Variants in CSMD3 observed in about 807,000 individuals in gnomAD.
The protein encoded by CSMD3 is CUB and Sushi multiple domains 3.
CSMD3 carries 177 observed loss-of-function variants against 435.2 expected under a neutral mutation model. The ratio of observed to expected loss-of-function variants is 0.41; its 90% CI spans 0.36 to 0.46. The LOEUF is 0.46. Among genes scored for constraint, CSMD3 ranks in the 20% least tolerant of loss-of-function variants. The pLI, the probability that CSMD3 is intolerant of heterozygous loss-of-function variation, is 0.34. For missense variants in CSMD3, 4,265 were observed against 4,504.6 expected (o/e 0.95, Z 1.52); for synonymous variants, 1,656 against 1,520.5 (o/e 1.09, Z -2.07).
intron 6 of CSMD3, among the ~76,000 whole-genome samples, chr8:113,015,701 A>T (rs188704346): frequency 6.6e-6 from 1 of 151,972 alleles, no homozygotes; most frequent in East Asian, 1.9e-4. Flanking sequence ...TGAAATAAAA[A>T]TACTTTTAAT....
intron 1 of CSMD3, among the ~76,000 whole-genome samples, chr8:113,368,069 T>G (rs1328805800): frequency 4.6e-5 from 7 of 152,090 alleles, no homozygotes; most frequent in African/African-American, 1.7e-4. Context: ...ATGAAAAAAT[T>G]AACTACACTT....
intron 1 of CSMD3, among the ~76,000 whole-genome samples, chr8:113,425,731 G>C (rs1020779979): frequency 6.6e-6 from 1 of 151,562 alleles, no homozygotes; most frequent in East Asian, 1.9e-4. Flanking sequence ...AAAGACGAAA[G>C]TTTTTTAAAA....
At chr8:112,667,471 A>T (rs1339007927) in intron 16 of CSMD3, among the ~76,000 whole-genome samples, 1 of 152,210 alleles carries the variant, frequency 6.6e-6, no homozygotes, top group Admixed American at 6.6e-5. Flanking sequence ...CTTGAAGTAT[A>T]GAAATAACCC....
chr8:113,172,747 C>T (rs138583494), intron 4 of CSMD3, among the ~76,000 whole-genome samples: 9 of 152,152 alleles, frequency 5.9e-5, no homozygotes, highest in African/African-American at 1.9e-4. Flanking sequence ...GAGGAAGCTA[C>T]AAAGTAATTT....
intron 5 of CSMD3, among the ~76,000 whole-genome samples, chr8:113,029,720 C>G (rs899870543): frequency 4.6e-5 from 7 of 151,532 alleles, no homozygotes; most frequent in Non-Finnish European, 8.9e-5. Context: ...TGGAACAAGA[C>G]AAGGATGTCC....
intron 13 of CSMD3, among the ~76,000 whole-genome samples, chr8:112,778,658 T>C (rs1421422772): frequency 6.6e-6 from 1 of 151,982 alleles, no homozygotes; most frequent in East Asian, 1.9e-4. Context: ...TGCAGGTATT[T>C]GTGTGGACAT....
At chr8:113,076,246 A>G (rs2131428499) in intron 5 of CSMD3, among the ~76,000 whole-genome samples, 1 of 151,780 alleles carries the variant, frequency 6.6e-6, no homozygotes, top group Middle Eastern at 3.4e-3. Flanking sequence ...AAGAATTTGC[A>G]TAGACACAAT....
chr8:112,224,724 T>G lies in CSMD3; in HGVS notation c.*47A>C. On this transcript the variant is annotated 3_prime_UTR_variant, in exon 71 of 71. Transcript: ENST00000297405. ...TAGCAGTGAACTAAATGTGCACTGT[T>G]TTGTGTGTCGATTTCCAAGCTTCTG... 6.2e-7 allele frequency: 1 copy of G among 1,601,838 alleles called. No homozygotes were observed. Among genetic ancestry groups the G allele is most frequent in the Non-Finnish European group, 8.6e-7 (1 of 1,168,842 alleles).
At chr8:113,131,175 C>A (rs539123589) in intron 4 of CSMD3, among the ~76,000 whole-genome samples, 1 of 152,196 alleles carries the variant, frequency 6.6e-6, no homozygotes, top group African/African-American at 2.4e-5. Flanking sequence ...AAAATCATTT[C>A]CCTGGGGAGT....
intron 38 of CSMD3, among the ~76,000 whole-genome samples, chr8:112,368,120 T>A (rs1469285605): frequency 6.6e-6 from 1 of 152,164 alleles, no homozygotes; most frequent in East Asian, 1.9e-4. Flanking sequence ...TCTATCTGCA[T>A]TCCAGGAGGT....
At position 112,313,975 on chromosome 8, in the gene CSMD3, G is replaced by T; in HGVS notation, c.7627C>A (p.His2543Asn). ...GCTGACCACTGAAGAAATACTTCAT[G>T]ACCATTGCTTGTTATATTAAAAGCA... ...SSAFNITSNG[H>N]EVFLQWSADH... Residue 2543 changes from histidine (H) to asparagine (N), a missense_variant, in exon 49 of 71, where the codon CAT (histidine) becomes AAT (asparagine). Physicochemically the swap from His to Asn is moderately conservative, Grantham distance 68 (BLOSUM62 1). Transcript: ENST00000297405. 6.2e-7 allele frequency: 1 copy of T among 1,610,732 alleles called. No individual in the cohort carries two copies.
chr8:112,330,558 C>G (rs1823943836), intron 45 of CSMD3, among the ~76,000 whole-genome samples: 1 of 152,012 alleles, frequency 6.6e-6, no homozygotes, highest in African/African-American at 2.4e-5. Context: ...AAAATTTTTT[C>G]TCTTGGCACA....
intron 9 of CSMD3, among the ~76,000 whole-genome samples, chr8:112,935,201 C>A (rs546484560): frequency 6.6e-6 from 1 of 151,998 alleles, no homozygotes; most frequent in South Asian, 2.1e-4. Flanking sequence ...GAAAATCAAT[C>A]GGCTTTAAAT....
intron 5 of CSMD3, among the ~76,000 whole-genome samples, chr8:113,019,519 T>C (rs1587900105): frequency 6.7e-6 from 1 of 149,080 alleles, no homozygotes; most frequent in South Asian, 2.1e-4. Flanking sequence ...TTTATTAATA[T>C]GTTATATATT....
At chr8:113,089,505 T>A (rs945715317) in intron 5 of CSMD3, among the ~76,000 whole-genome samples, 1 of 152,118 alleles carries the variant, frequency 6.6e-6, no homozygotes, top group African/African-American at 2.4e-5. Context: ...TATAGCAGAA[T>A]AAATATGTAA....
intron 13 of CSMD3, among the ~76,000 whole-genome samples, chr8:112,762,374 T>A (rs996755409): frequency 6.6e-6 from 1 of 152,068 alleles, no homozygotes; most frequent in East Asian, 1.9e-4. Context: ...AAGCAGCTGT[T>A]CTGTCCATAG....
chr8:113,042,598 A>T (rs1486147396), intron 5 of CSMD3, among the ~76,000 whole-genome samples: 1 of 152,148 alleles, frequency 6.6e-6, no homozygotes, highest in Non-Finnish European at 1.5e-5. Context: ...TATTTACATA[A>T]TTCTTCTGGA....
intron 61 of CSMD3, among the ~76,000 whole-genome samples, chr8:112,263,411 A>G (rs1010864608): frequency 6.6e-5 from 10 of 152,178 alleles, no homozygotes; most frequent in African/African-American, 2.4e-4. Context: ...TTTGAGAAAT[A>G]ATTTTGAAAA....
At chr8:112,783,057 T>C (rs1171200454) in intron 13 of CSMD3, among the ~76,000 whole-genome samples, 1 of 152,000 alleles carries the variant, frequency 6.6e-6, no homozygotes, top group Non-Finnish European at 1.5e-5. Context: ...AACACGGTAA[T>C]TGTGGCGTGT....
Sources: gnomAD v4.1 joint callset for allele counts (sites outside exome capture counted in the v4.1 genomes callset) on GRCh38, gnomAD v4.1.1 for gene constraint, MANE v1.5 for transcripts, NCBI Gene and HGNC (gene_info 2026-07-23, HGNC 2026-07-21) for gene names.